The following ATRN variants were observed in gnomAD, a reference collection of about 807,000 sequenced individuals.
The protein encoded by ATRN is attractin-2.
ATRN carries 54 observed loss-of-function variants against 178.7 expected under a neutral mutation model. The observed-to-expected ratio is 0.30, with a 90% CI of 0.24 to 0.38. The LOEUF (loss-of-function observed/expected upper bound fraction) is 0.38, where lower values mean the gene tolerates loss of function less well. ATRN is among the 10% of genes least tolerant of loss of function. ATRN has a pLI of 1.00. For synonymous variants in ATRN, 636 were observed against 663.0 expected (o/e 0.96, Z 0.63); for missense variants, 1,443 against 1,815.1 (o/e 0.79, Z 3.73).
chr20:3,597,812 A>T, intron 21 of ATRN, 94 bp from the exon 22 acceptor site: 1 of 743,700 alleles, frequency 1.3e-6, no homozygotes, highest in Non-Finnish European at 2.2e-6. Context: ...TTTCCTCGTT[A>T]CTTAATTTAT....
chr20:3,623,674 C>T (rs548558466), intron 24 of ATRN, among the ~76,000 whole-genome samples: 1 of 152,132 alleles, frequency 6.6e-6, no homozygotes, highest in African/African-American at 2.4e-5. Flanking sequence ...GGGCTGAGTT[C>T]CCTAAAAAAA....
At chr20:3,629,046 G>T (rs1278199652) in intron 25 of ATRN, 5 of 985,046 alleles carry the variant, frequency 5.1e-6, no homozygotes, top group Non-Finnish European at 6.0e-6. Flanking sequence ...GGCTCTGCTG[G>T]TTCCAAGCCA....
At chr20:3,489,585 C>T (rs2084753704) in intron 1 of ATRN, 3 of 1,484,928 alleles carry the variant, frequency 2.0e-6, no homozygotes, top group African/African-American at 2.8e-5. Flanking sequence ...ACAACATTCC[C>T]ACTTGAGTCT....
chr20:3,489,333 A>T (rs1164211540), intron 1 of ATRN, among the ~76,000 whole-genome samples: 2 of 152,186 alleles, frequency 1.3e-5, no homozygotes, highest in South Asian at 2.1e-4. Flanking sequence ...TTCTGGCAGA[A>T]TCTTTTAAAA....
In ATRN at chr20:3,582,162, G is replaced by C; in HGVS notation, c.2572G>C (p.Gly858Arg). 1 of 1,614,116 alleles carries C rather than the reference G, an allele frequency of 6.2e-7. No individual in the cohort carries two copies. Among genetic ancestry groups the C allele is most frequent in the Non-Finnish European group, 8.5e-7 (1 of 1,179,994 alleles). ...CAAGCTCACCTTAACCCCATGGGTC[G>C]GCCTTCGGAAGATCAATGTGTCCTA... ...MSKLTLTPWV[G>R]LRKINVSYWC... Residue 858 changes from glycine (G) to arginine (R), a missense_variant, in exon 16 of 29, where the codon GGC becomes CGC. Gly to Arg is a moderately radical substitution (Grantham distance 125). This residue lies in a region of ATRN where 212 missense variants were observed against 330.7 expected (regional missense o/e 0.64). Coordinates refer to ENST00000262919, the MANE Select transcript of ATRN (RefSeq NM_139321.3).
chr20:3,549,114 A>G, intron 5 of ATRN, 56 bp from the exon 6 acceptor site: 1 of 1,390,172 alleles, frequency 7.2e-7, no homozygotes, highest in East Asian at 2.5e-5. Context: ...AAAACTTGAA[A>G]TGCAGTAAGC....
At chr20:3,629,266 G>A (rs865904444) in intron 25 of ATRN, 10 of 985,344 alleles carry the variant, frequency 1.0e-5, no homozygotes, top group Non-Finnish European at 1.2e-5. Flanking sequence ...CCTTCCTGTC[G>A]TATCTAAAAT....
chr20:3,619,036 T>G (rs1381988105), intron 24 of ATRN, among the ~76,000 whole-genome samples: 4 of 152,110 alleles, frequency 2.6e-5, no homozygotes, highest in Non-Finnish European at 4.4e-5. Context: ...TGGGCTGAGC[T>G]CTCACCCTTG....
At chr20:3,546,032 A>G (rs982175147) in intron 4 of ATRN, 142 bp downstream of exon 4, 1 of 949,046 alleles carries the variant, frequency 1.1e-6, no homozygotes, top group African/African-American at 1.7e-5. Flanking sequence ...AAATTCTTCC[A>G]TAAATTCAGT....
In ATRN at chr20:3,494,858, A is replaced by G. The variant is rs2084856967; in HGVS notation, c.410+23341A>G. ...TGATCTAGCCAGGACAATTTCAGGGACAGCCCAGGATTTGAGCAAAGGACT... is the reference window on the plus strand; with the variant it reads ...TGATCTAGCCAGGACAATTTCAGGGGCAGCCCAGGATTTGAGCAAAGGACT... On this transcript the variant is annotated intron_variant, in intron 1 of 28. Transcript: ENST00000262919. Among the ~76,000 whole-genome samples, 5 of 152,152 alleles carry G rather than the reference A, an allele frequency of 3.3e-5. No homozygotes were observed. In the South Asian group the frequency reaches 8.3e-4, roughly 25 times the overall value.
intron 27 of ATRN, among the ~76,000 whole-genome samples, chr20:3,643,883 T>G (rs1568779769): frequency 6.6e-6 from 1 of 152,164 alleles, no homozygotes; most frequent in Admixed American, 6.5e-5. Flanking sequence ...AGAAACCCAC[T>G]TGGCGTGGCC....
chr20:3,535,626 C>T lies in ATRN; in HGVS notation c.494+290C>T, dbSNP rs2853205. 9.9e-3 allele frequency among the ~76,000 whole-genome samples: 1,144 copies of T among 115,868 alleles called. 12 individuals are homozygous for T. Among genetic ancestry groups the T allele is most frequent in the Non-Finnish European group, 0.014 (753 of 55,748 alleles). 76.0% of individuals were successfully genotyped at this position (115,868 alleles called of 152,430 possible). A position where few individuals can be genotyped will look rare whatever the true frequency, so the allele number is the denominator to read the frequency against. ...ACACACACACACACACACACACACA[C>T]ATATATATTTATTTATTTTTATGGG... On this transcript the variant is annotated intron_variant, in intron 2 of 28. Coordinates refer to ENST00000262919, the MANE Select transcript of ATRN (RefSeq NM_139321.3).
intron 27 of ATRN, among the ~76,000 whole-genome samples, chr20:3,643,491 C>A (rs1249396902): frequency 4.6e-5 from 7 of 150,544 alleles, no homozygotes; most frequent in African/African-American, 1.2e-4. Context: ...CATAGTGAGA[C>A]CCCATTTCTA....
chr20:3,492,871 GCACGCACACA>G lies in ATRN; in HGVS notation c.410+21358_410+21367del, dbSNP rs781574764. 4.5e-3 allele frequency among the ~76,000 whole-genome samples: 598 copies of G among 132,442 alleles called. 5 individuals are homozygous for G. Among genetic ancestry groups the G allele is most frequent in the African/African-American group, 0.017 (553 of 31,788 alleles). 86.9% of individuals were successfully genotyped at this position (132,442 alleles called of 152,430 possible). A position where few individuals can be genotyped will look rare whatever the true frequency, so the allele number is the denominator to read the frequency against. ...GAGAGAGAGGCGCGCGCGCGCGTGC[GCACGCACACA>G]CACACACACACACACATAACTAATA... On this transcript the variant is annotated intron_variant, in intron 1 of 28. Coordinates refer to ENST00000262919, the MANE Select transcript of ATRN (RefSeq NM_139321.3).
intron 26 of ATRN, among the ~76,000 whole-genome samples, chr20:3,635,900 C>T (rs1411322504): frequency 1.3e-5 from 2 of 152,010 alleles, no homozygotes; most frequent in East Asian, 1.9e-4. Context: ...TAATGAATTA[C>T]GTGATGTTCT....
intron 16 of ATRN, 129 bp from the exon 17 acceptor site, chr20:3,583,769 C>A: frequency 1.1e-6 from 1 of 939,796 alleles, no homozygotes; most frequent in Non-Finnish European, 1.6e-6. Flanking sequence ...AATTGTGCCA[C>A]TGCACTCTAG....
rs187361173 is a variant in ATRN at position 3,538,902 on chromosome 20, C to T, written c.495-1320C>T. On this transcript the variant is annotated intron_variant, in intron 2 of 28. Transcript: ENST00000262919. ...TCTTCATGTTGCTTGGACACATCAG[C>T]CTCTTTCTCCCTTAAGACTGTGCTG... 2.0e-5 allele frequency among the ~76,000 whole-genome samples: 3 copies of T among 152,270 alleles called. No individual in the cohort carries two copies. The East Asian group carries it at 5.8e-4, about 29-fold the overall frequency.
chr20:3,604,236 A>C lies in ATRN; in HGVS notation c.3775A>C (p.Asn1259His). 6.2e-7 allele frequency: 1 copy of C among 1,608,230 alleles called. No individual in the cohort carries two copies. Among genetic ancestry groups the C allele is most frequent in the East Asian group, 2.2e-5 (1 of 44,836 alleles). Residue 1259 changes from asparagine (N) to histidine (H), a missense_variant, in exon 24 of 29, where the codon AAT becomes CAT. Asn to His is a moderately conservative substitution (Grantham distance 68). Around this residue, in one of 4 missense-constraint regions of ATRN, gnomAD observed 289 missense variants for 440.8 expected, o/e 0.66. Coordinates refer to ENST00000262919, the MANE Select transcript of ATRN (RefSeq NM_139321.3). ...PNITFFVYVSNFTWPIKIQIA... is the reference protein window; with the variant it reads ...PNITFFVYVSHFTWPIKIQIA... ...TATCACTTTCTTTGTTTATGTCAGT[A>C]ATTTCACCTGGCCCATCAAAATTCA...
chr20:3,607,034 TC>T (rs893612694), intron 24 of ATRN, among the ~76,000 whole-genome samples: 2 of 152,206 alleles, frequency 1.3e-5, no homozygotes, highest in Non-Finnish European at 2.9e-5. Flanking sequence ...ATTTTGAATT[TC>T]CTCTTTATTT....
Sources: allele counts gnomAD v4.1 joint callset (sites outside exome capture counted in the v4.1 genomes callset), GRCh38; gene constraint gnomAD v4.1.1; regional missense constraint gnomAD v4.1.1; transcripts MANE v1.5; gene names NCBI Gene and HGNC (gene_info 2026-07-23, HGNC 2026-07-21).